CCDC88A: variants seen among roughly 807,000 people sequenced by gnomAD.
The protein encoded by CCDC88A is girdin.
In CCDC88A, 54 loss-of-function variants were observed where a neutral mutation model predicts 234.3. That is an observed-to-expected ratio of 0.23 (90% CI 0.19 to 0.29). CCDC88A has a LOEUF of 0.29. Ranked by LOEUF, CCDC88A falls within the 10% of genes least tolerant of loss-of-function variation. The pLI is 1.00. For synonymous variants in CCDC88A, 753 were observed against 737.8 expected (o/e 1.02, Z -0.33); for missense variants, 1,832 against 2,123.4 (o/e 0.86, Z 2.70).
intron 21 of CCDC88A, 95 bp from the exon 22 acceptor site, chr2:55,316,209 T>A (rs1682960598): frequency 4.3e-6 from 2 of 468,198 alleles, no homozygotes; most frequent in Non-Finnish European, 7.2e-6. Context: ...CATTAAGGCA[T>A]ACTTAGAATA....
intron 8 of CCDC88A, among the ~76,000 whole-genome samples, chr2:55,354,430 A>G (rs1300379280): frequency 6.6e-6 from 1 of 151,966 alleles, no homozygotes; most frequent in Non-Finnish European, 1.5e-5. Context: ...TGCACCAGCC[A>G]TGTTTTTAAT....
chr2:55,295,191 T>A (rs748661308), intron 31 of CCDC88A: 1 of 1,313,650 alleles, frequency 7.6e-7, no homozygotes, highest in South Asian at 1.2e-5. Flanking sequence ...AAACTGTAGG[T>A]TACTGTTACT....
At chr2:55,303,432 G>A (rs1407684391) in intron 25 of CCDC88A, among the ~76,000 whole-genome samples, 2 of 131,754 alleles carry the variant, frequency 1.5e-5, no homozygotes, top group East Asian at 4.2e-4. Context: ...TGCTCTTGTT[G>A]CCCAGGCTGG....
intron 2 of CCDC88A, among the ~76,000 whole-genome samples, chr2:55,410,941 T>C (rs1680379652): frequency 6.6e-6 from 1 of 151,384 alleles, no homozygotes; most frequent in African/African-American, 2.4e-5. Context: ...TAAGAAGGCA[T>C]AAAAATAGAA....
chr2:55,359,651 A>G (rs2104776649), intron 7 of CCDC88A, among the ~76,000 whole-genome samples: 1 of 150,828 alleles, frequency 6.6e-6, no homozygotes, highest in South Asian at 2.1e-4. Context: ...ATAAAAAATG[A>G]TATATATCAT....
In CCDC88A at chr2:55,419,747, C is replaced by A. The variant is rs896778868; in HGVS notation, c.-668G>T. 6.6e-6 allele frequency: 1 copy of A among 152,542 alleles called. No homozygotes were observed. Among genetic ancestry groups the A allele is most frequent in the East Asian group, 1.9e-4 (1 of 5,138 alleles). The allele number at this position is 152,542 out of a possible 1,614,324, so 9.4% of individuals were successfully genotyped here. On this transcript the variant is annotated 5_prime_UTR_variant, in exon 1 of 33. Coordinates refer to ENST00000436346, the MANE Select transcript of CCDC88A (RefSeq NM_001365480.1). ...GGGCTTGAATGTGTGTCCCTAACCC[C>A]CCAGCTTCCTAAGCCCTGCCAGCCT...
At chr2:55,355,398 G>A (rs1558730397) in intron 8 of CCDC88A, 181 bp downstream of exon 8, 1 of 560,078 alleles carries the variant, frequency 1.8e-6, no homozygotes. Context: ...CAGAATAAAA[G>A]GCATCCTTTA....
Position 55,309,529 on chromosome 2 carries a change from C to A in CCDC88A, c.4080-275G>T, listed in dbSNP as rs950101687. Among the ~76,000 whole-genome samples, 1 of 152,032 alleles carries A rather than the reference C, an allele frequency of 6.6e-6. No homozygotes were observed. The highest frequency in any genetic ancestry group is 2.4e-5 in the African/African-American group (1 of 41,398). ...ATTAAAACATTGTTTAGTTTGCTTA[C>A]AATTATAGATATAATAAATAATCCT... On this transcript the variant is annotated intron_variant, in intron 23 of 32. Coordinates refer to ENST00000436346, the MANE Select transcript of CCDC88A (RefSeq NM_001365480.1). The surrounding 1 kb of genome is among the most constrained non-coding windows in gnomAD (Gnocchi z 5.1).
At position 55,315,848 on chromosome 2, in the gene CCDC88A, A is replaced by C. The variant is rs1024291209; in HGVS notation, c.3933+80T>G. ...CCACTAAATATATACTAGTATTGTC[A>C]TTGTAATCTAGTCATTTATTTCTTA... On this transcript the variant is annotated intron_variant, in intron 22 of 32. Transcript: ENST00000436346. 36 of 772,988 alleles carry C rather than the reference A, an allele frequency of 4.7e-5. No homozygotes were observed. In the Middle Eastern group the frequency reaches 1.4e-3, roughly 30 times the overall value. The allele number at this position is 772,988 out of a possible 1,614,324, so 47.9% of individuals were successfully genotyped here.
At position 55,334,304 on chromosome 2, in the gene CCDC88A, C is replaced by G; in HGVS notation, c.2517G>C (p.Lys839Asn). 3 of 1,474,582 alleles carry G rather than the reference C, an allele frequency of 2.0e-6. No homozygotes were observed. The highest frequency in any genetic ancestry group is 2.7e-6 in the Non-Finnish European group (3 of 1,116,904). 91.3% of individuals were successfully genotyped at this position (1,474,582 alleles called of 1,614,324 possible). The part of the protein sequence containing the change: ...KDKKQLEKEN[K>N]RLRQQAEIKD... ...TAATTTCTGCTTGTTGTCGGAGTCTCTTATTTTCCTTCTCCAATTGTTTCT... is the reference window on the plus strand; with the variant it reads ...TAATTTCTGCTTGTTGTCGGAGTCTGTTATTTTCCTTCTCCAATTGTTTCT... Residue 839 changes from lysine to asparagine, a missense_variant, in exon 15 of 33, where the codon AAG becomes AAC. By Grantham distance (94) the Lys-to-Asn change is moderately conservative. Coordinates refer to ENST00000436346, the MANE Select transcript of CCDC88A (RefSeq NM_001365480.1). The surrounding 1 kb of genome is among the most constrained non-coding windows in gnomAD (Gnocchi z 6.1).
Position 55,295,671 on chromosome 2 carries a change from G to A in CCDC88A, c.5477C>T (p.Thr1826Ile). The change falls in exon 31 of 33, where the codon ACC (threonine) becomes ATC (isoleucine). Residue 1826 changes from threonine (T) to isoleucine (I), a missense_variant. Thr to Ile is a moderately conservative substitution (Grantham distance 89). Coordinates refer to ENST00000436346, the MANE Select transcript of CCDC88A (RefSeq NM_001365480.1). The stretch of plus-strand genomic sequence containing the variant: ...TGATATAGGCAGTCTACTGTCCTTG[G>A]TCAAAAAATCATGGATGCTTGTCCT... ...TRRTSIHDFL[T>I]KDSRLPISVD... The A allele has an allele frequency of 6.2e-7, 1 of 1,614,222 alleles. No homozygotes were observed. The highest frequency in any genetic ancestry group is 8.5e-7 in the Non-Finnish European group (1 of 1,180,034).
chr2:55,379,180 A>C (rs1307705051), intron 3 of CCDC88A, among the ~76,000 whole-genome samples: 1 of 152,214 alleles, frequency 6.6e-6, no homozygotes, highest in Non-Finnish European at 1.5e-5. Flanking sequence ...GATTTATTAT[A>C]TCATCATAGA....
At chr2:55,377,223 GTCTTAC>G (rs1673808138) in intron 3 of CCDC88A, among the ~76,000 whole-genome samples, 2 of 148,170 alleles carry the variant, frequency 1.3e-5, no homozygotes, top group African/African-American at 5.0e-5. Context: ...TTGAGACAGG[GTCTTAC>G]TCTTGTCACC....
intron 3 of CCDC88A, among the ~76,000 whole-genome samples, chr2:55,386,222 C>CA (rs11333871): frequency 2.6e-4 from 38 of 145,414 alleles, no homozygotes; most frequent in East Asian, 2.2e-3. Context: ...AACTCCGTCT[C>CA]AAAAAAAAAA....
Position 55,339,535 on chromosome 2 carries a change from CAGT to C in CCDC88A, c.1444_1446del (p.Thr482del). The stretch of plus-strand genomic sequence containing the variant: ...GAAGCATTGCCTTCTACAGAATCCA[CAGT>C]AGTCCGAAGCTCTTCTACGGTTTTT... On this transcript the variant is annotated inframe_deletion, in exon 13 of 33. Coordinates refer to ENST00000436346, the MANE Select transcript of CCDC88A (RefSeq NM_001365480.1). The C allele has an allele frequency of 6.2e-7, 1 of 1,613,614 alleles. No homozygotes were observed. The highest frequency in any genetic ancestry group is 8.5e-7 in the Non-Finnish European group (1 of 1,179,814).
chr2:55,376,998 T>A (rs1237839807), intron 3 of CCDC88A, among the ~76,000 whole-genome samples: 4 of 151,570 alleles, frequency 2.6e-5, no homozygotes, highest in Non-Finnish European at 4.4e-5. Flanking sequence ...GCCTGGCTAA[T>A]TTTTTTTGTA....
Position 55,296,340 on chromosome 2 carries a change from T to G in CCDC88A, c.5009A>C (p.Lys1670Thr). 6.2e-7 allele frequency: 1 copy of G among 1,614,228 alleles called. No individual in the cohort carries two copies. The highest frequency in any genetic ancestry group is 8.5e-7 in the Non-Finnish European group (1 of 1,180,026). ...ISETLESRHH[K>T]IKTGSPGSEV... Reference sequence around the variant, plus strand: ...ACTTCCAGGGGAACCAGTTTTGATCTTGTGATGTCGACTCTCCAGTGTTTC... The same window carrying G: ...ACTTCCAGGGGAACCAGTTTTGATCGTGTGATGTCGACTCTCCAGTGTTTC... The change falls in exon 30 of 33, where the codon AAG (lysine) becomes ACG (threonine). Residue 1670 changes from lysine (K) to threonine (T), a missense_variant. Lys to Thr is a moderately conservative substitution (Grantham distance 78). Around this residue, in one of 6 missense-constraint regions of CCDC88A, gnomAD observed 422 missense variants for 416.5 expected, o/e 1.01. Transcript: ENST00000436346.
chr2:55,378,891 G>A (rs549116725), intron 3 of CCDC88A, among the ~76,000 whole-genome samples: 2 of 152,050 alleles, frequency 1.3e-5, no homozygotes, highest in South Asian at 4.1e-4. Context: ...AATTACAGGT[G>A]CCCGCCACCA....
chr2:55,350,785 G>A (rs915861834), intron 8 of CCDC88A, among the ~76,000 whole-genome samples: 2 of 151,820 alleles, frequency 1.3e-5, no homozygotes, highest in Admixed American at 1.3e-4. Context: ...TCAGCGTCCG[G>A]AATAGCTGGG....
Sources: gnomAD v4.1 joint callset for allele counts (sites outside exome capture counted in the v4.1 genomes callset) on GRCh38, gnomAD v4.1.1 for gene constraint, gnomAD v4.1.1 regional missense constraint, Gnocchi (gnomAD v3.1) non-coding constraint, MANE v1.5 for transcripts, NCBI Gene and HGNC (gene_info 2026-07-23, HGNC 2026-07-21) for gene names.